RUNX2: variants seen among roughly 807,000 people sequenced by gnomAD.
The protein encoded by RUNX2 is runt-related transcription factor 2.
RUNX2 carries 10 observed loss-of-function variants against 51.7 expected under a neutral mutation model. The observed-to-expected ratio is 0.19, with a 90% CI of 0.12 to 0.33. The LOEUF (loss-of-function observed/expected upper bound fraction) is 0.33, where lower values mean the gene tolerates loss of function less well. Among genes scored for constraint, RUNX2 ranks in the 10% least tolerant of loss-of-function variants. RUNX2 has a pLI of 1.00. For missense variants in RUNX2, 562 were observed against 691.3 expected, an observed-to-expected ratio of 0.81 and a Z score of 2.10; for synonymous variants, 276 against 273.6, an observed-to-expected ratio of 1.01 and a Z score of -0.09.
chr6:45,358,952 T>C (rs1793745468), intron 2 of RUNX2, among the ~76,000 whole-genome samples: 2 of 152,164 alleles, frequency 1.3e-5, no homozygotes, highest in Admixed American at 6.5e-5. Flanking sequence ...TTTAGGCTGA[T>C]GGGTCTGTGA....
At chr6:45,452,105 C>T (rs553295703) in intron 5 of RUNX2, among the ~76,000 whole-genome samples, 20 of 152,248 alleles carry the variant, frequency 1.3e-4, no homozygotes, top group Non-Finnish European at 2.4e-4. Flanking sequence ...GAAAAACCCA[C>T]GTTCATTTGA....
intron 2 of RUNX2, among the ~76,000 whole-genome samples, chr6:45,361,149 T>C (rs561336073): frequency 6.6e-6 from 1 of 152,298 alleles, no homozygotes; most frequent in East Asian, 1.9e-4. Flanking sequence ...TGCAGAACTG[T>C]ACAATTTTTA....
intron 2 of RUNX2, among the ~76,000 whole-genome samples, chr6:45,353,772 A>C (rs1347961469): frequency 1.3e-5 from 2 of 152,114 alleles, no homozygotes; most frequent in African/African-American, 4.8e-5. Flanking sequence ...ATGAGCAATG[A>C]AAACTCATTT....
intron 2 of RUNX2, among the ~76,000 whole-genome samples, chr6:45,394,446 T>G (rs1336837369): frequency 1.3e-5 from 2 of 152,218 alleles, no homozygotes; most frequent in Non-Finnish European, 2.9e-5. Context: ...TCTTTGGGTT[T>G]CCCTAGAGAC....
chr6:45,457,224 A>G (rs1473317249), intron 5 of RUNX2, among the ~76,000 whole-genome samples: 4 of 152,174 alleles, frequency 2.6e-5, no homozygotes, highest in African/African-American at 9.7e-5. Flanking sequence ...AGAAAAAGAG[A>G]TATGTAGAAA....
chr6:45,482,095 C>T (rs537787390), intron 5 of RUNX2, among the ~76,000 whole-genome samples: 15 of 152,338 alleles, frequency 9.8e-5, no homozygotes, highest in Middle Eastern at 3.4e-3. Flanking sequence ...AGAGGAGCTA[C>T]GGCGAAGTTA....
chr6:45,379,303 G>A (rs559017245), intron 2 of RUNX2, among the ~76,000 whole-genome samples: 6 of 152,200 alleles, frequency 3.9e-5, no homozygotes, highest in Non-Finnish European at 8.8e-5. Flanking sequence ...TGAGTATGGT[G>A]ATAACTTCTT....
intron 5 of RUNX2, among the ~76,000 whole-genome samples, chr6:45,490,688 G>C (rs745463924): frequency 3.3e-4 from 50 of 152,122 alleles, no homozygotes; most frequent in Non-Finnish European, 6.5e-4. Context: ...AGGCTTGAAG[G>C]CTTTTCATAA....
chr6:45,507,756 G>C (rs181113316), intron 6 of RUNX2, among the ~76,000 whole-genome samples: 122 of 152,208 alleles, frequency 8.0e-4, no homozygotes, highest in African/African-American at 2.7e-3. Flanking sequence ...TGACTAACAC[G>C]GACATATATG....
intron 2 of RUNX2, among the ~76,000 whole-genome samples, chr6:45,403,627 T>G (rs921748371): frequency 6.6e-6 from 1 of 152,220 alleles, no homozygotes; most frequent in Non-Finnish European, 1.5e-5. Flanking sequence ...TCTGCCACTT[T>G]TGATCATATC....
intron 5 of RUNX2, among the ~76,000 whole-genome samples, chr6:45,471,024 C>T (rs753655877): frequency 6.6e-5 from 10 of 152,246 alleles, no homozygotes; most frequent in Admixed American, 4.6e-4. Flanking sequence ...GGAATAATAA[C>T]GGTATAGCTT....
intron 2 of RUNX2, among the ~76,000 whole-genome samples, chr6:45,395,600 A>G (rs1287765865): frequency 6.6e-6 from 1 of 152,224 alleles, no homozygotes; most frequent in African/African-American, 2.4e-5. Context: ...GGCAATTTCT[A>G]TGGTTCTTTA....
chr6:45,488,331 T>G (rs1001646504), intron 5 of RUNX2, among the ~76,000 whole-genome samples: 1 of 152,060 alleles, frequency 6.6e-6, no homozygotes, highest in Admixed American at 6.6e-5. Flanking sequence ...AAATAGGATT[T>G]TTTTGGAGGG....
At chr6:45,330,875 C>G (rs549258639) in intron 2 of RUNX2, among the ~76,000 whole-genome samples, 13 of 151,916 alleles carry the variant, frequency 8.6e-5, no homozygotes, top group African/African-American at 2.9e-4. Flanking sequence ...TAGTGGACAT[C>G]ATGTATATGT....
intron 6 of RUNX2, among the ~76,000 whole-genome samples, chr6:45,493,094 A>G (rs1289929542): frequency 1.3e-5 from 2 of 152,196 alleles, no homozygotes; most frequent in South Asian, 2.1e-4. Context: ...AGAATGACCT[A>G]TCTCTTCTTC....
At chr6:45,527,115 G>A (rs1426792213) in intron 7 of RUNX2, among the ~76,000 whole-genome samples, 2 of 152,198 alleles carry the variant, frequency 1.3e-5, no homozygotes, top group African/African-American at 2.4e-5. Flanking sequence ...TCAGGAGGAA[G>A]GGAGGGCATT....
At chr6:45,401,446 A>C (rs1216482659) in intron 2 of RUNX2, among the ~76,000 whole-genome samples, 1 of 152,252 alleles carries the variant, frequency 6.6e-6, no homozygotes, top group East Asian at 1.9e-4. Context: ...AGGAGATATG[A>C]AGCCAAAAGA....
Position 45,506,695 on chromosome 6 carries a change from G to A in RUNX2, c.860-5551G>A, listed in dbSNP as rs181880831. Among the ~76,000 whole-genome samples the A allele has an allele frequency of 9.4e-3, 1,437 of 152,116 alleles. 11 individuals carry two copies. Among genetic ancestry groups the A allele is most frequent in the Non-Finnish European group, 0.016 (1,062 of 67,980 alleles). ...TGTTGAGACAAAGTCTCGCTCTGTC[G>A]CCCAGGCTGGAGTACAGTGGCGTGA... On this transcript the variant is annotated intron_variant, in intron 6 of 8. Transcript: ENST00000647337.
At chr6:45,476,267 G>A (rs1418268557) in intron 5 of RUNX2, among the ~76,000 whole-genome samples, 1 of 152,150 alleles carries the variant, frequency 6.6e-6, no homozygotes, top group African/African-American at 2.4e-5. Context: ...TTTCTCCTAA[G>A]CTTACTGGAG....
Sources: gnomAD v4.1 joint callset for allele counts (sites outside exome capture counted in the v4.1 genomes callset) on GRCh38, gnomAD v4.1.1 for gene constraint, MANE v1.5 for transcripts, NCBI Gene and HGNC (gene_info 2026-07-23, HGNC 2026-07-21) for gene names.